The following NUP58 variants were observed in gnomAD, a reference collection of about 807,000 sequenced individuals.
NUP58 encodes the protein nucleoporin p58/p45.
In NUP58, 17 loss-of-function variants were observed where a neutral mutation model predicts 70.1. The ratio of observed to expected loss-of-function variants is 0.24; its 90% CI spans 0.17 to 0.36. The LOEUF is 0.36. Among genes scored for constraint, NUP58 ranks in the 10% least tolerant of loss-of-function variants. The pLI is 1.00. For synonymous variants in NUP58, 275 were observed against 257.6 expected, an observed-to-expected ratio of 1.07 and a Z score of -0.65; for missense variants, 644 against 701.5, an observed-to-expected ratio of 0.92 and a Z score of 0.93.
intron 12 of NUP58, among the ~76,000 whole-genome samples, chr13:25,328,125 G>A (rs1261904640): frequency 2.0e-5 from 3 of 150,350 alleles, no homozygotes; most frequent in Non-Finnish European, 4.4e-5. Context: ...CTTGAACCCA[G>A]GAGGTGGAGG....
intron 12 of NUP58, among the ~76,000 whole-genome samples, chr13:25,330,415 C>T (rs1303264988): frequency 1.3e-5 from 2 of 151,986 alleles, no homozygotes; most frequent in Non-Finnish European, 2.9e-5. Context: ...ACAAAAAGGG[C>T]GATGATAGCT....
intron 13 of NUP58, chr13:25,335,063 C>A (rs2031733501): frequency 2.0e-6 from 2 of 984,872 alleles, no homozygotes; most frequent in Admixed American, 6.2e-5. Flanking sequence ...AATACTTTGG[C>A]ATGGGAGATA....
rs2031139703 is a variant in NUP58, at chr13:25,320,580, A to T, written c.761A>T (p.Asp254Val). The part of the protein sequence containing the change: ...DENLPPVICQ[D>V]VENLQKFVKE... ...AATCTACCTCCTGTCATCTGCCAGG[A>T]TGTTGAAAATCTCCAGTAAGTGTCA... The change falls in exon 8 of 16, where the codon GAT (aspartate) becomes GTT (valine). Residue 254 changes from aspartate to valine, a missense_variant. Physicochemically the swap from Asp to Val is radical, Grantham distance 152. Around this residue, in one of 4 missense-constraint regions of NUP58, gnomAD observed 430 missense variants for 409.2 expected, o/e 1.05. Coordinates refer to ENST00000381736, the MANE Select transcript of NUP58 (RefSeq NM_014089.4). 1 of 1,609,030 alleles carries T rather than the reference A, an allele frequency of 6.2e-7. No homozygotes were observed. Among genetic ancestry groups the T allele is most frequent in the East Asian group, 2.2e-5 (1 of 44,720 alleles).
chr13:25,314,463 A>G (rs1482041745), intron 5 of NUP58, among the ~76,000 whole-genome samples: 1 of 152,136 alleles, frequency 6.6e-6, no homozygotes, highest in Admixed American at 6.5e-5. Context: ...TGGGAGGCCA[A>G]GGCAGGTGGG....
chr13:25,306,907 A>G (rs2030389697), intron 1 of NUP58, among the ~76,000 whole-genome samples: 1 of 152,156 alleles, frequency 6.6e-6, no homozygotes, highest in African/African-American at 2.4e-5. Flanking sequence ...ATCCTGAGAC[A>G]GGGTGATTTT....
intron 13 of NUP58, chr13:25,333,866 A>C: frequency 1.0e-6 from 1 of 985,434 alleles, no homozygotes; most frequent in Non-Finnish European, 1.2e-6. Flanking sequence ...CTGTTGATCT[A>C]TACAAGATTT....
At chr13:25,307,974 A>C in intron 2 of NUP58, 26 bp downstream of exon 2, 1 of 1,611,396 alleles carries the variant, frequency 6.2e-7, no homozygotes, top group Non-Finnish European at 8.5e-7. Flanking sequence ...TCACATTGTC[A>C]GAGAGTAGGC....
At chr13:25,343,152 C>T (rs1230343399), downstream of NUP58, among the ~76,000 whole-genome samples, 1 of 151,946 alleles carries the variant, frequency 6.6e-6, no homozygotes, top group Non-Finnish European at 1.5e-5. Context: ...AGTTTGTAGC[C>T]TTTTATCCCT....
downstream of NUP58, among the ~76,000 whole-genome samples, chr13:25,346,493 G>C (rs1453013321): frequency 1.3e-5 from 2 of 152,152 alleles, no homozygotes; most frequent in Non-Finnish European, 2.9e-5. Flanking sequence ...GCTGAGGTGG[G>C]CAGATCACCT....
intron 13 of NUP58, chr13:25,331,890 A>G (rs934251009): frequency 1.8e-6 from 2 of 1,097,054 alleles, no homozygotes; most frequent in Non-Finnish European, 2.2e-6. Flanking sequence ...TGACTGTACC[A>G]TTTATTGTTT....
intron 9 of NUP58, 112 bp downstream of exon 9, chr13:25,321,205 A>G (rs1424909637): frequency 3.5e-6 from 3 of 864,556 alleles, no homozygotes; most frequent in South Asian, 1.7e-5. Context: ...TGATACATGC[A>G]TACCGGTAGA....
chr13:25,348,022 C>T (rs1287904582), intron 3 of NUP58, among the ~76,000 whole-genome samples: 2 of 152,158 alleles, frequency 1.3e-5, no homozygotes, highest in Non-Finnish European at 2.9e-5. Context: ...GAGTGTCTGG[C>T]AAGTCGTTCT....
intron 1 of NUP58, among the ~76,000 whole-genome samples, chr13:25,307,435 C>T (rs1467765115): frequency 6.6e-6 from 1 of 151,862 alleles, no homozygotes; most frequent in East Asian, 1.9e-4. Context: ...AGGCTGGTCT[C>T]GAACTCCTGA....
At chr13:25,302,238 G>T (rs2030055235) in intron 1 of NUP58, among the ~76,000 whole-genome samples, 1 of 152,238 alleles carries the variant, frequency 6.6e-6, no homozygotes, top group African/African-American at 2.4e-5. Flanking sequence ...TTGAATGAAT[G>T]AATGAAATTA....
chr13:25,348,874 C>T (rs1323945420), intron 3 of NUP58, among the ~76,000 whole-genome samples: 3 of 152,122 alleles, frequency 2.0e-5, no homozygotes, highest in Non-Finnish European at 2.9e-5. Context: ...ATTTCAAACT[C>T]TTTTTCGTAA....
In NUP58 at chr13:25,307,961, T is replaced by C. The variant is rs1432622091; in HGVS notation, c.250+13T>C. ...GGAACAAATACAGGTGAGGAGGATC[T>C]GATCACATTGTCAGAGAGTAGGCTT... On this transcript the variant is annotated intron_variant, in intron 2 of 15. Coordinates refer to ENST00000381736, the MANE Select transcript of NUP58 (RefSeq NM_014089.4). 1 of 1,612,906 alleles carries C rather than the reference T, an allele frequency of 6.2e-7. No homozygotes were observed. The highest frequency in any genetic ancestry group is 2.2e-5 in the East Asian group (1 of 44,846).
rs2031910386 is a variant in NUP58, at chr13:25,340,144, G to T, written c.*10G>T. On this transcript the variant is annotated 3_prime_UTR_variant, in exon 16 of 16. Coordinates refer to ENST00000381736, the MANE Select transcript of NUP58 (RefSeq NM_014089.4). ...AAGAGGAAAAAGATAAACATGGGTT[G>T]ATGTGTTGAGAGAATCCATAGCAGC... The T allele has an allele frequency of 6.2e-7, 1 of 1,605,174 alleles. No individual in the cohort carries two copies. The highest frequency in any genetic ancestry group is 1.1e-5 in the South Asian group (1 of 89,642).
At chr13:25,328,008 G>A (rs934339500) in intron 12 of NUP58, among the ~76,000 whole-genome samples, 1 of 152,002 alleles carries the variant, frequency 6.6e-6, no homozygotes, top group African/African-American at 2.4e-5. Flanking sequence ...AGACCAGCCT[G>A]GCCAATATGG....
At chr13:25,339,726 T>C (rs940176834) in intron 15 of NUP58, among the ~76,000 whole-genome samples, 2 of 152,224 alleles carry the variant, frequency 1.3e-5, no homozygotes, top group African/African-American at 4.8e-5. Flanking sequence ...ATTTTAGTAA[T>C]TTGTGCTAAG....
Sources: allele counts gnomAD v4.1 joint callset (sites outside exome capture counted in the v4.1 genomes callset), GRCh38; gene constraint gnomAD v4.1.1; regional missense constraint gnomAD v4.1.1; transcripts MANE v1.5; gene names NCBI Gene and HGNC (gene_info 2026-07-23, HGNC 2026-07-21).